The following TDRP variants were observed in gnomAD, a reference collection of about 807,000 sequenced individuals.
The protein encoded by TDRP is testis development related protein, also known as testis development-related protein.
Under a neutral mutation model 10.5 loss-of-function variants are expected in TDRP, and 12 were observed. That is an observed-to-expected ratio of 1.15 (90% CI 0.73 to 1.86). The LOEUF (loss-of-function observed/expected upper bound fraction) is 1.86. Ranked by LOEUF, TDRP falls within the 40% of genes most tolerant of loss-of-function variation. TDRP has a pLI of 0.00. For missense variants in TDRP, 353 were observed against 229.2 expected (o/e 1.54, Z -3.49); for synonymous variants, 139 against 95.4 (o/e 1.46, Z -2.67).
chr8:517,706 G>T (rs1801794665), intron 1 of TDRP, among the ~76,000 whole-genome samples: 1 of 152,174 alleles, frequency 6.6e-6, no homozygotes, highest in Admixed American at 6.5e-5. Context: ...TCAGGCTGTA[G>T]CCCAACAACC....
chr8:516,615 G>A (rs774549620), intron 1 of TDRP, among the ~76,000 whole-genome samples: 129 of 152,126 alleles, frequency 8.5e-4, no homozygotes, highest in Non-Finnish European at 1.1e-3. Context: ...CCAGATGCTG[G>A]CAAGGACATG....
At chr8:518,764 T>C (rs1218284844) in intron 1 of TDRP, among the ~76,000 whole-genome samples, 1 of 152,000 alleles carries the variant, frequency 6.6e-6, no homozygotes, top group Non-Finnish European at 1.5e-5. Flanking sequence ...TCCACCATTT[T>C]TTTTTTAGCT....
chr8:545,638 G>A (rs989489195), upstream of TDRP: 5 of 152,136 alleles, frequency 3.3e-5, no homozygotes, highest in African/African-American at 1.2e-4. Flanking sequence ...GCATCCCTCG[G>A]GGCCTGGGCG....
intron 1 of TDRP, among the ~76,000 whole-genome samples, chr8:502,806 C>G (rs369538744): frequency 6.6e-6 from 1 of 151,832 alleles, no homozygotes; most frequent in East Asian, 1.9e-4. Flanking sequence ...GAACCAATGC[C>G]CACCTCAACA....
At position 491,743 on chromosome 8, in the gene TDRP, A is replaced by G. The variant is rs1005327060; in HGVS notation, c.*656T>C. On this transcript the variant is annotated 3_prime_UTR_variant, in exon 3 of 3. Transcript: ENST00000324079. Reference sequence around the variant, plus strand: ...ATTTAGAAGTTCAAAAGAGGTAAAAATAAAATTCCAAAAAAGAACCACTGT... The same window carrying G: ...ATTTAGAAGTTCAAAAGAGGTAAAAGTAAAATTCCAAAAAAGAACCACTGT... 6.4e-6 allele frequency: 9 copies of G among 1,413,558 alleles called. No homozygotes were observed. The highest frequency in any genetic ancestry group is 7.3e-6 in the Non-Finnish European group (8 of 1,093,764). The allele number at this position is 1,413,558 out of a possible 1,614,324, so 87.6% of individuals were successfully genotyped here. A position where few individuals can be genotyped will look rare whatever the true frequency, so the allele number is the denominator to read the frequency against.
At chr8:541,038 T>C (rs1792692371) in intron 1 of TDRP, among the ~76,000 whole-genome samples, 1 of 152,196 alleles carries the variant, frequency 6.6e-6, no homozygotes, top group Non-Finnish European at 1.5e-5. Flanking sequence ...TAAATCCTAT[T>C]TGCATATTAA....
chr8:544,636 G>A lies in TDRP; in HGVS notation c.108+14C>T, dbSNP rs1229727445. On this transcript the variant is annotated intron_variant, in intron 1 of 2. Coordinates refer to ENST00000324079, the MANE Select transcript of TDRP (RefSeq NM_001384899.1). ...CCCGGCCTACTAGCACTCCCCACCTGCGCACCCCCTCACCTGCGCCTGGGC... is the reference window on the plus strand; with the variant it reads ...CCCGGCCTACTAGCACTCCCCACCTACGCACCCCCTCACCTGCGCCTGGGC... 1.2e-5 allele frequency: 15 copies of A among 1,234,790 alleles called. No homozygotes were observed. Among genetic ancestry groups the A allele is most frequent in the Non-Finnish European group, 1.1e-5 (11 of 989,098 alleles). 76.5% of individuals were successfully genotyped at this position (1,234,790 alleles called of 1,614,324 possible).
intron 1 of TDRP, among the ~76,000 whole-genome samples, chr8:518,297 C>A (rs967912109): frequency 1.3e-5 from 2 of 152,100 alleles, no homozygotes; most frequent in Non-Finnish European, 2.9e-5. Flanking sequence ...AAAAAAGAGT[C>A]TATTGAAAAA....
chr8:528,029 C>G (rs563490261), intron 1 of TDRP, among the ~76,000 whole-genome samples: 3 of 152,096 alleles, frequency 2.0e-5, no homozygotes, highest in African/African-American at 7.2e-5. Context: ...GATTAAGAAT[C>G]AGAATATAAA....
chr8:544,849 C>G (rs938162738), upstream of TDRP: 3 of 973,794 alleles, frequency 3.1e-6, no homozygotes, highest in Non-Finnish European at 4.0e-6. Flanking sequence ...GCGGCTCCTG[C>G]GGGACGCGGG....
intron 1 of TDRP, among the ~76,000 whole-genome samples, chr8:500,954 C>G (rs1439318980): frequency 6.6e-6 from 1 of 152,212 alleles, no homozygotes; most frequent in Non-Finnish European, 1.5e-5. Context: ...CACCTGTAAT[C>G]CCAGCACTCT....
In TDRP at chr8:538,376, G is replaced by T. The variant is rs549180919; in HGVS notation, c.108+6274C>A. 1.3e-4 allele frequency among the ~76,000 whole-genome samples: 20 copies of T among 152,320 alleles called. 1 individual carries two copies. The South Asian group carries it at 4.1e-3, about 32-fold the overall frequency. ...CGAGGTCCTGACTAAAGCTGGGTCAGATAGAGTCTGTTGGCAGCTGTGTAG... is the reference window on the plus strand; with the variant it reads ...CGAGGTCCTGACTAAAGCTGGGTCATATAGAGTCTGTTGGCAGCTGTGTAG... On this transcript the variant is annotated intron_variant, in intron 1 of 2. Coordinates refer to ENST00000324079, the MANE Select transcript of TDRP (RefSeq NM_001384899.1).
In TDRP at chr8:492,672, T is replaced by C; in HGVS notation, c.285A>G (p.Lys95=). The part of the protein sequence containing the change: ...KSGFWDNLVL[K]QNIQSKKPDE... The stretch of plus-strand genomic sequence containing the variant: ...CTGGTTTTTTAGACTGTATATTCTG[T>C]TTTAAAACCAAATTGTCCCAAAATC... Residue 95 remains lysine (K), a synonymous_variant, in exon 3 of 3, where the codon AAA becomes AAG. Transcript: ENST00000324079. 6.2e-7 allele frequency: 1 copy of C among 1,613,810 alleles called. No homozygotes were observed. The highest frequency in any genetic ancestry group is 8.5e-7 in the Non-Finnish European group (1 of 1,179,824).
chr8:538,988 T>A (rs1169879692), intron 1 of TDRP, among the ~76,000 whole-genome samples: 9 of 152,216 alleles, frequency 5.9e-5, no homozygotes, highest in Admixed American at 5.9e-4. Context: ...ACAGCTCCAC[T>A]TCTAGACTTG....
At chr8:512,079 G>A (rs1418046971) in intron 1 of TDRP, among the ~76,000 whole-genome samples, 1 of 151,886 alleles carries the variant, frequency 6.6e-6, no homozygotes, top group Admixed American at 6.6e-5. Context: ...TTAATCAATA[G>A]AGAATAACAG....
intron 1 of TDRP, among the ~76,000 whole-genome samples, chr8:511,736 A>C (rs924702760): frequency 6.6e-6 from 1 of 152,232 alleles, no homozygotes; most frequent in African/African-American, 2.4e-5. Flanking sequence ...AAAACTATTC[A>C]AAGTCCTTTC....
At chr8:513,393 T>TA (rs201462217) in intron 1 of TDRP, among the ~76,000 whole-genome samples, 2 of 151,760 alleles carry the variant, frequency 1.3e-5, no homozygotes, top group Admixed American at 6.6e-5. Context: ...AGCAAATGAA[T>TA]AAAAAAAATT....
intron 1 of TDRP, among the ~76,000 whole-genome samples, chr8:528,955 G>A (rs1002431806): frequency 1.3e-5 from 2 of 152,154 alleles, no homozygotes; most frequent in Non-Finnish European, 2.9e-5. Context: ...GCCAGTCCGA[G>A]TCCCAAAACT....
chr8:510,845 C>T (rs572154441), intron 1 of TDRP, among the ~76,000 whole-genome samples: 1 of 152,142 alleles, frequency 6.6e-6, no homozygotes, highest in Non-Finnish European at 1.5e-5. Flanking sequence ...AGTACAGATA[C>T]ATTCTTATTT....
Sources: allele counts gnomAD v4.1 joint callset (sites outside exome capture counted in the v4.1 genomes callset), GRCh38; gene constraint gnomAD v4.1.1; transcripts MANE v1.5; gene names NCBI Gene and HGNC (gene_info 2026-07-23, HGNC 2026-07-21).